STPG4: variants seen among roughly 807,000 people sequenced by gnomAD.
The protein encoded by STPG4 is sperm-tail PG-rich repeat containing 4, also known as protein STPG4.
In STPG4, 41 loss-of-function variants were observed where a neutral mutation model predicts 31.5. The observed-to-expected ratio is 1.30, with a 90% CI of 1.01 to 1.69. The LOEUF (loss-of-function observed/expected upper bound fraction) is 1.69, where lower values mean the gene tolerates loss of function less well. STPG4 is among the 40% of genes most tolerant of loss of function. The probability of loss-of-function intolerance (pLI) is 0.00; values close to 1 mark genes in which losing one functional copy is unlikely to be tolerated. For missense variants in STPG4, 375 were observed against 293.4 expected (o/e 1.28, Z -2.03); for synonymous variants, 141 against 103.0 (o/e 1.37, Z -2.24).
chr2:47,149,685 C>T (rs1398900151), intron 3 of STPG4, among the ~76,000 whole-genome samples: 5 of 152,196 alleles, frequency 3.3e-5, no homozygotes, highest in Non-Finnish European at 7.3e-5. Flanking sequence ...AGCTGCAATA[C>T]ATTTCTCTCA....
At chr2:47,130,097 A>G (rs72808589) in intron 4 of STPG4, 99 bp downstream of exon 4, 1,188 of 1,474,642 alleles carry the variant, frequency 8.1e-4, no homozygotes, top group Non-Finnish European at 9.9e-4. Flanking sequence ...TAAAATGTTA[A>G]TTTGCATATG....
chr2:47,133,405 G>A lies in STPG4; in HGVS notation c.400-3145C>T, dbSNP rs150174383. Among the ~76,000 whole-genome samples, 652 of 151,914 alleles carry A rather than the reference G, an allele frequency of 4.3e-3. 3 individuals are homozygous for A. Among genetic ancestry groups the A allele is most frequent in the Non-Finnish European group, 6.8e-3 (460 of 67,958 alleles). The stretch of plus-strand genomic sequence containing the variant: ...TGGTCTCAAACTCTTGGGCTCAAGC[G>A]ATCCTCCCACCACAGCTTCCCTAAG... On this transcript the variant is annotated intron_variant, in intron 3 of 6. Transcript: ENST00000445927.
At chr2:47,097,301 A>G (rs1685693081) in intron 5 of STPG4, among the ~76,000 whole-genome samples, 1 of 152,234 alleles carries the variant, frequency 6.6e-6, no homozygotes, top group East Asian at 1.9e-4. Context: ...TTACTTTAAA[A>G]AAATCATCCT....
intron 1 of STPG4, among the ~76,000 whole-genome samples, chr2:47,153,681 G>A (rs951277493): frequency 2.6e-5 from 4 of 152,104 alleles, no homozygotes; most frequent in Admixed American, 1.3e-4. Flanking sequence ...GCTGAGGCAC[G>A]AGAATCACTT....
At chr2:47,148,834 T>A (rs1027925825) in intron 3 of STPG4, among the ~76,000 whole-genome samples, 4 of 152,194 alleles carry the variant, frequency 2.6e-5, no homozygotes, top group African/African-American at 9.7e-5. Context: ...TCCAGCTTCA[T>A]CCATGTCCCT....
chr2:47,102,636 C>T (rs1181129537), intron 5 of STPG4, among the ~76,000 whole-genome samples: 1 of 151,866 alleles, frequency 6.6e-6, no homozygotes, highest in African/African-American at 2.4e-5. Context: ...CATATCCTAG[C>T]CTCCCTATAG....
At chr2:47,119,439 C>A (rs1309853097) in intron 5 of STPG4, among the ~76,000 whole-genome samples, 5 of 152,180 alleles carry the variant, frequency 3.3e-5, no homozygotes, top group African/African-American at 1.2e-4. Context: ...CAATCAACTA[C>A]CTTCTGCTAT....
chr2:47,137,468 G>A (rs1686618909), intron 3 of STPG4, among the ~76,000 whole-genome samples: 1 of 152,068 alleles, frequency 6.6e-6, no homozygotes, highest in Non-Finnish European at 1.5e-5. Flanking sequence ...GTCTGGTTTT[G>A]GTATTATGAT....
At chr2:47,118,282 A>G (rs1686192338) in intron 5 of STPG4, among the ~76,000 whole-genome samples, 1 of 152,110 alleles carries the variant, frequency 6.6e-6, no homozygotes, top group Non-Finnish European at 1.5e-5. Context: ...CAGGAACCCT[A>G]TTGTGAACCG....
chr2:47,128,927 C>T (rs1467079012), intron 5 of STPG4: 1 of 152,342 alleles, frequency 6.6e-6, no homozygotes, highest in Non-Finnish European at 1.5e-5. Context: ...TGGCTAAGGC[C>T]TGCAGTGAGT....
At chr2:47,101,964 C>T (rs899961356) in intron 5 of STPG4, among the ~76,000 whole-genome samples, 6 of 151,836 alleles carry the variant, frequency 4.0e-5, no homozygotes, top group South Asian at 2.1e-4. Flanking sequence ...CCACTAAATC[C>T]GATTTTTCTC....
At chr2:47,125,588 G>C (rs956157601) in intron 5 of STPG4, among the ~76,000 whole-genome samples, 2 of 152,108 alleles carry the variant, frequency 1.3e-5, no homozygotes, top group Non-Finnish European at 2.9e-5. Context: ...AACTTGATGT[G>C]ATCCCATTTA....
rs1284910103 is a variant in STPG4 at position 47,129,992 on chromosome 2, G to C, written c.468C>G (p.Ser156Arg). The change falls in exon 5 of 7, where the codon AGC becomes AGG. Residue 156 changes from serine to arginine, a missense_variant. By Grantham distance (110) the Ser-to-Arg change is moderately radical. Transcript: ENST00000445927. ...TTTGAACTGTTGAGCGAAATACACA[G>C]CTCCTATATTTCAAAATAAAAAAGA... ...PAPVPKYASR[S>R]CVFRSTVQRF... 1.3e-6 allele frequency: 2 copies of C among 1,552,406 alleles called. No homozygotes were observed. Among genetic ancestry groups the C allele is most frequent in the Non-Finnish European group, 1.8e-6 (2 of 1,130,054 alleles).
At position 47,151,422 on chromosome 2, in the gene STPG4, C is replaced by T. The variant is rs1170377398; in HGVS notation, c.235G>A (p.Gly79Arg). 6.2e-7 allele frequency: 1 copy of T among 1,613,992 alleles called. No individual in the cohort carries two copies. Among genetic ancestry groups the T allele is most frequent in the Non-Finnish European group, 8.5e-7 (1 of 1,180,022 alleles). ...VIATYNFKNE[G>R]RKKPPLVQRN... ...TGCACAAGAGGTGGCTTTTTCCTTC[C>T]TTCGTTTTTAAAATTGTAGGTTGCT... Residue 79 changes from glycine to arginine, a missense_variant, in exon 3 of 7, where the codon GGA becomes AGA. Coordinates refer to ENST00000445927, the MANE Select transcript of STPG4 (RefSeq NM_001163561.2).
intron 5 of STPG4, among the ~76,000 whole-genome samples, chr2:47,118,211 G>A (rs760032936): frequency 4.9e-4 from 74 of 152,262 alleles, no homozygotes; most frequent in Middle Eastern, 6.8e-3. Flanking sequence ...CCCATCACTC[G>A]CATTGCTGCC....
At chr2:47,098,675 G>A (rs541694720) in intron 5 of STPG4, among the ~76,000 whole-genome samples, 1 of 151,172 alleles carries the variant, frequency 6.6e-6, no homozygotes, top group East Asian at 2.0e-4. Flanking sequence ...CAAGTAATAA[G>A]CAGCATAAAC....
intron 1 of STPG4, 107 bp downstream of exon 1, chr2:47,155,064 G>A: frequency 9.9e-7 from 1 of 1,008,632 alleles, no homozygotes; most frequent in Non-Finnish European, 1.5e-6. Context: ...GGTAGGAAGA[G>A]GGAACGAGAG....
chr2:47,123,192 C>A (rs1686308054), intron 5 of STPG4, among the ~76,000 whole-genome samples: 1 of 152,138 alleles, frequency 6.6e-6, no homozygotes. Context: ...ATCCTACTGA[C>A]TAGCTATTTA....
At chr2:47,122,653 G>C (rs1431836897) in intron 5 of STPG4, among the ~76,000 whole-genome samples, 1 of 150,166 alleles carries the variant, frequency 6.7e-6, no homozygotes, top group Non-Finnish European at 1.5e-5. Flanking sequence ...ATATATTCTA[G>C]GATCTGTTTC....
Sources: allele counts gnomAD v4.1 joint callset (sites outside exome capture counted in the v4.1 genomes callset), GRCh38; gene constraint gnomAD v4.1.1; transcripts MANE v1.5; gene names NCBI Gene and HGNC (gene_info 2026-07-23, HGNC 2026-07-21).